Variants in TTC28 observed in about 807,000 individuals in gnomAD.
TTC28 encodes tetratricopeptide repeat protein 28.
In TTC28, 61 loss-of-function variants were observed where a neutral mutation model predicts 198.0. The ratio of observed to expected loss-of-function variants is 0.31; its 90% CI spans 0.25 to 0.38. The LOEUF (loss-of-function observed/expected upper bound fraction) is 0.38. Ranked by LOEUF, TTC28 falls within the 10% of genes least tolerant of loss-of-function variation. The probability of loss-of-function intolerance (pLI) is 1.00; values close to 1 mark genes in which losing one functional copy is unlikely to be tolerated. For missense variants in TTC28, 2,678 were observed against 3,164.0 expected (o/e 0.85, Z 3.69); for synonymous variants, 1,171 against 1,297.8 (o/e 0.90, Z 2.10).
intron 2 of TTC28, among the ~76,000 whole-genome samples, chr22:28,473,074 C>T (rs920960810): frequency 4.0e-5 from 6 of 151,160 alleles, no homozygotes; most frequent in Non-Finnish European, 1.5e-5. Context: ...ATGCATAATC[C>T]AAAAAAATAA....
intron 2 of TTC28, among the ~76,000 whole-genome samples, chr22:28,419,667 A>G (rs1006915355): frequency 2.6e-5 from 4 of 152,248 alleles, no homozygotes; most frequent in Non-Finnish European, 4.4e-5. Flanking sequence ...GTATGTCTAC[A>G]TGCTAATTAA....
chr22:28,347,279 A>C (rs910507180), intron 2 of TTC28, among the ~76,000 whole-genome samples: 16 of 151,618 alleles, frequency 1.1e-4, no homozygotes, highest in African/African-American at 2.2e-4. Flanking sequence ...AGGAAAAAAA[A>C]AAAAAACAAA....
At chr22:28,416,163 C>T (rs1049138888) in intron 2 of TTC28, among the ~76,000 whole-genome samples, 1 of 152,190 alleles carries the variant, frequency 6.6e-6, no homozygotes, top group Admixed American at 6.5e-5. Context: ...AGAAGCCAAT[C>T]TCATGGTTAC....
rs1050667308 is a variant in TTC28 at position 27,982,780 on chromosome 22, C to T, written c.6887G>A (p.Ser2296Asn). 5 of 1,547,954 alleles carry T rather than the reference C, an allele frequency of 3.2e-6. No homozygotes were observed. The African/African-American group carries it at 6.9e-5, about 21-fold the overall frequency. Residue 2296 changes from serine to asparagine, a missense_variant, in exon 23 of 23, where the codon AGC becomes AAC. Ser to Asn is a conservative substitution (Grantham distance 46). This residue lies in a region of TTC28 where 622 missense variants were observed against 656.0 expected (regional missense o/e 0.95). Transcript: ENST00000397906. This position sits in a 1 kb window ranked among gnomAD's most constrained non-coding sequence, Gnocchi z 5.2. The stretch of plus-strand genomic sequence containing the variant: ...CCTTGGTGATTTGGAAATGTGAGCG[C>T]TGTAAGGAGAGCTGGGGTACTTCAG... ...FKLKYPSSPY[S>N]AHISKSPRNM...
At chr22:28,218,478 A>C (rs2147196549) in intron 5 of TTC28, among the ~76,000 whole-genome samples, 1 of 152,270 alleles carries the variant, frequency 6.6e-6, no homozygotes, top group Non-Finnish European at 1.5e-5. Context: ...AGGCACATTC[A>C]TTCAGTTTTT....
intron 5 of TTC28, among the ~76,000 whole-genome samples, chr22:28,185,076 G>A (rs574750204): frequency 8.5e-4 from 130 of 152,252 alleles, no homozygotes; most frequent in African/African-American, 3.0e-3. Context: ...AAGTCCATCC[G>A]TCCAAAGTAA....
intron 2 of TTC28, among the ~76,000 whole-genome samples, chr22:28,315,963 A>C (rs1421353515): frequency 6.6e-6 from 1 of 152,166 alleles, no homozygotes; most frequent in Non-Finnish European, 1.5e-5. Context: ...TTTACAGTTA[A>C]ATGCAAAGAC....
chr22:28,347,900 G>A (rs2045933393), intron 2 of TTC28, among the ~76,000 whole-genome samples: 7 of 152,244 alleles, frequency 4.6e-5, no homozygotes, highest in Admixed American at 4.6e-4. Context: ...CACCTACGCT[G>A]TCTTACATAT....
At chr22:28,269,966 A>G (rs1270037278) in intron 5 of TTC28, among the ~76,000 whole-genome samples, 2 of 152,248 alleles carry the variant, frequency 1.3e-5, no homozygotes, top group Non-Finnish European at 2.9e-5. Flanking sequence ...AACACATGCA[A>G]AACAATGGGG....
chr22:28,333,612 C>T (rs903258778), intron 2 of TTC28, among the ~76,000 whole-genome samples: 20 of 152,010 alleles, frequency 1.3e-4, no homozygotes, highest in Non-Finnish European at 2.9e-5. Context: ...TGTTTCTAAC[C>T]ACACTTCTAT....
intron 12 of TTC28, among the ~76,000 whole-genome samples, chr22:28,084,098 A>C (rs368764254): frequency 6.6e-6 from 1 of 152,222 alleles, no homozygotes; most frequent in Non-Finnish European, 1.5e-5. Context: ...GGGCACAGAC[A>C]AACAAAAGAC....
chr22:28,351,697 T>C (rs770808139), intron 2 of TTC28, among the ~76,000 whole-genome samples: 1 of 152,186 alleles, frequency 6.6e-6, no homozygotes, highest in African/African-American at 2.4e-5. Context: ...AGGCACTTAG[T>C]CTAAGTGAGA....
At position 27,982,800 on chromosome 22, in the gene TTC28, C is replaced by T. The variant is rs951575358; in HGVS notation, c.6867G>A (p.Lys2289=). The part of the protein sequence containing the change: ...SQLDQPLFKL[K]YPSSPYSAHI... Reference sequence around the variant, plus strand: ...GAGCGCTGTAAGGAGAGCTGGGGTACTTCAGTTTAAAGAGAGGCTGGTCCA... The same window carrying T: ...GAGCGCTGTAAGGAGAGCTGGGGTATTTCAGTTTAAAGAGAGGCTGGTCCA... Residue 2289 remains lysine, a synonymous_variant, in exon 23 of 23, where the codon AAG becomes AAA. Coordinates refer to ENST00000397906, the MANE Select transcript of TTC28 (RefSeq NM_001145418.2). The surrounding 1 kb of genome is among the most constrained non-coding windows in gnomAD (Gnocchi z 5.2). 1 of 1,543,674 alleles carries T rather than the reference C, an allele frequency of 6.5e-7. No homozygotes were observed. Among genetic ancestry groups the T allele is most frequent in the Admixed American group, 2.0e-5 (1 of 50,388 alleles).
chr22:28,294,812 C>T (rs904805108), intron 5 of TTC28, among the ~76,000 whole-genome samples: 2 of 152,194 alleles, frequency 1.3e-5, no homozygotes, highest in African/African-American at 4.8e-5. Flanking sequence ...CATGATCCGC[C>T]TGCCTCAGCC....
chr22:28,132,316 C>A (rs983460891), intron 6 of TTC28, among the ~76,000 whole-genome samples: 1 of 152,192 alleles, frequency 6.6e-6, no homozygotes, highest in African/African-American at 2.4e-5. Context: ...AATGGAGAGA[C>A]ACATTTATCA....
At chr22:28,171,115 A>G (rs1311952881) in intron 5 of TTC28, among the ~76,000 whole-genome samples, 4 of 151,964 alleles carry the variant, frequency 2.6e-5, no homozygotes, top group Non-Finnish European at 4.4e-5. Flanking sequence ...GAGATGTTAC[A>G]TGGTTTCTAG....
chr22:28,373,535 T>C (rs1365275720), intron 2 of TTC28, among the ~76,000 whole-genome samples: 1 of 152,216 alleles, frequency 6.6e-6, no homozygotes, highest in African/African-American at 2.4e-5. Flanking sequence ...GTTCAACATA[T>C]GCACTCACTA....
At chr22:28,338,271 C>T (rs2045766283) in intron 2 of TTC28, among the ~76,000 whole-genome samples, 1 of 152,148 alleles carries the variant, frequency 6.6e-6, no homozygotes. Context: ...CTGCCCTTAA[C>T]ATTTTTTCCT....
intron 12 of TTC28, among the ~76,000 whole-genome samples, chr22:28,056,673 T>C (rs930436039): frequency 1.6e-4 from 24 of 152,306 alleles, no homozygotes; most frequent in African/African-American, 5.3e-4. Flanking sequence ...ATAAAATGAA[T>C]TGCACAAATC....
Sources: gnomAD v4.1 joint callset for allele counts (sites outside exome capture counted in the v4.1 genomes callset) on GRCh38, gnomAD v4.1.1 for gene constraint, gnomAD v4.1.1 regional missense constraint, Gnocchi (gnomAD v3.1) non-coding constraint, MANE v1.5 for transcripts, NCBI Gene and HGNC (gene_info 2026-07-23, HGNC 2026-07-21) for gene names.